The following FBLN2 variants were observed in gnomAD, a reference collection of about 807,000 sequenced individuals.
The protein encoded by FBLN2 is fibulin-2.
In FBLN2, 81 loss-of-function variants were observed where a neutral mutation model predicts 123.7. The ratio of observed to expected loss-of-function variants is 0.65; its 90% CI spans 0.55 to 0.79. The LOEUF (loss-of-function observed/expected upper bound fraction) is 0.79, where lower values mean the gene tolerates loss of function less well. FBLN2 is among the 30% of genes least tolerant of loss of function. The pLI is 0.00. For missense variants in FBLN2, 1,603 were observed against 1,681.3 expected, an observed-to-expected ratio of 0.95 and a Z score of 0.81; for synonymous variants, 699 against 701.4, an observed-to-expected ratio of 1.00 and a Z score of 0.05.
chr3:13,609,689 C>CGGGGGGGGGGGGGGG, intron 4 of FBLN2, 47 bp downstream of exon 4: 1 of 428,812 alleles, frequency 2.3e-6, no homozygotes. Flanking sequence ...TGGGGCGGGG[C>CGGGGGGGGGGGGGGG]GGGAGGCTGG....
chr3:13,609,561 C>T lies in FBLN2; in HGVS notation c.1467C>T (p.Cys489=), dbSNP rs760101715. 1.9e-6 allele frequency: 3 copies of T among 1,554,590 alleles called. No homozygotes were observed. In the South Asian group the frequency reaches 3.6e-5, roughly 18 times the overall value. The change falls in exon 4 of 18, where the codon TGC becomes TGT. Residue 489 remains cysteine (C), a synonymous_variant. Transcript: ENST00000404922. The part of the protein sequence containing the change: ...CCVSYLQEKS[C]MAGVLGAKEG... The stretch of plus-strand genomic sequence containing the variant: ...TCTCCTACTTGCAGGAGAAGAGCTG[C>T]ATGGCCGGCGTCCTGGGAGCCAAGG...
chr3:13,604,904 G>A (rs1279283341), intron 2 of FBLN2, among the ~76,000 whole-genome samples: 2 of 152,250 alleles, frequency 1.3e-5, no homozygotes, highest in African/African-American at 4.8e-5. Context: ...GCTCCGGTTG[G>A]AGTGTGCAGG....
At chr3:13,560,323 T>C (rs1703569593) in intron 1 of FBLN2, among the ~76,000 whole-genome samples, 1 of 152,158 alleles carries the variant, frequency 6.6e-6, no homozygotes, top group Non-Finnish European at 1.5e-5. Context: ...AGGGTTTTCA[T>C]GAGCTCACCC....
chr3:13,606,242 T>G (rs1705199448), intron 2 of FBLN2, among the ~76,000 whole-genome samples: 1 of 152,238 alleles, frequency 6.6e-6, no homozygotes, highest in Admixed American at 6.5e-5. Context: ...CTTGTTAATT[T>G]TCAGGAGTTT....
chr3:13,630,899 C>T (rs1480431970), intron 15 of FBLN2, 84 bp downstream of exon 15: 4 of 1,025,854 alleles, frequency 3.9e-6, no homozygotes, highest in African/African-American at 3.2e-5. Context: ...CCTGCTGGGC[C>T]ATGGACACAG....
intron 1 of FBLN2, among the ~76,000 whole-genome samples, chr3:13,550,948 A>G (rs1703305356): frequency 6.6e-6 from 1 of 152,168 alleles, no homozygotes; most frequent in Admixed American, 6.5e-5. Flanking sequence ...TTTTCACGTA[A>G]AAGTCCGGAT....
At chr3:13,620,459 A>T (rs1705811215) in intron 8 of FBLN2, among the ~76,000 whole-genome samples, 1 of 152,178 alleles carries the variant, frequency 6.6e-6, no homozygotes, top group Admixed American at 6.5e-5. Context: ...CAAATGAAGG[A>T]CACTGGTGAT....
intron 2 of FBLN2, among the ~76,000 whole-genome samples, chr3:13,587,600 A>G (rs1574963547): frequency 1.3e-5 from 2 of 152,326 alleles, no homozygotes; most frequent in South Asian, 2.1e-4. Context: ...ATTTAACTTG[A>G]AAGACTGGTT....
In FBLN2 at chr3:13,601,738, CAG is replaced by C. The variant is rs756407066; in HGVS notation, c.1307-6321_1307-6320del. Among the ~76,000 whole-genome samples, 4 of 152,308 alleles carry C rather than the reference CAG, an allele frequency of 2.6e-5. No homozygotes were observed. In the East Asian group the frequency reaches 5.8e-4, roughly 22 times the overall value. On this transcript the variant is annotated intron_variant, in intron 2 of 17. Coordinates refer to ENST00000404922, the MANE Select transcript of FBLN2 (RefSeq NM_001004019.2). Reference sequence around the variant, plus strand: ...GGAGCTGACATTGCAAAGGAGGAAACAGAGGACTGAGAAAGTAAACTCATCCA... The same window carrying C: ...GGAGCTGACATTGCAAAGGAGGAAACAGGACTGAGAAAGTAAACTCATCCA...
In FBLN2 at chr3:13,571,006, G is replaced by T; in HGVS notation, c.651G>T (p.Gln217His). Residue 217 changes from glutamine (Q) to histidine (H), a missense_variant, in exon 2 of 18, where the codon CAG (glutamine) becomes CAT (histidine). Transcript: ENST00000404922. ...CAACAGCCCTGGGGGGTGAGGTCCA[G>T]GCGGGTGCAGTCCAGGCAGGCGCAG... The part of the protein sequence containing the change: ...EAATALGGEV[Q>H]AGAVQAGAGG... 1 of 1,599,148 alleles carries T rather than the reference G, an allele frequency of 6.3e-7. No individual in the cohort carries two copies. Among genetic ancestry groups the T allele is most frequent in the Non-Finnish European group, 8.5e-7 (1 of 1,173,194 alleles).
At chr3:13,631,508 C>T in intron 16 of FBLN2, 51 bp downstream of exon 16, 1 of 1,531,980 alleles carries the variant, frequency 6.5e-7, no homozygotes, top group East Asian at 2.4e-5. Context: ...CTTGGGCAGG[C>T]TCCAAGCAGG....
chr3:13,586,458 C>T (rs1704502673), intron 2 of FBLN2, among the ~76,000 whole-genome samples: 3 of 149,634 alleles, frequency 2.0e-5, no homozygotes, highest in Non-Finnish European at 3.0e-5. Context: ...GTTGGGATTA[C>T]AGGCATGAGC....
intron 3 of FBLN2, 142 bp from the exon 4 acceptor site, chr3:13,609,371 G>A (rs910704047): frequency 2.3e-6 from 2 of 873,106 alleles, no homozygotes; most frequent in African/African-American, 3.5e-5. Flanking sequence ...CAACCCAGTG[G>A]AGGTTGTGCC....
intron 1 of FBLN2, among the ~76,000 whole-genome samples, chr3:13,557,630 C>G (rs894577186): frequency 6.6e-6 from 1 of 152,212 alleles, no homozygotes; most frequent in South Asian, 2.1e-4. Flanking sequence ...AAGGCAGCCT[C>G]CTCCCAGGAG....
chr3:13,615,751 GA>G (rs548223407), intron 5 of FBLN2, among the ~76,000 whole-genome samples: 4 of 152,224 alleles, frequency 2.6e-5, no homozygotes, highest in Non-Finnish European at 5.9e-5. Flanking sequence ...AGAAGGGCAG[GA>G]TCTTGCCCCA....
intron 2 of FBLN2, among the ~76,000 whole-genome samples, chr3:13,601,506 G>A (rs1341247623): frequency 1.3e-5 from 2 of 152,154 alleles, no homozygotes; most frequent in African/African-American, 4.8e-5. Flanking sequence ...ACTCTGCCTG[G>A]CACCTTGTGC....
intron 2 of FBLN2, among the ~76,000 whole-genome samples, chr3:13,585,197 C>T (rs1704457929): frequency 6.6e-6 from 1 of 152,144 alleles, no homozygotes; most frequent in Admixed American, 6.5e-5. Context: ...CTTTGTGCCT[C>T]ACACCCCCCA....
intron 2 of FBLN2, among the ~76,000 whole-genome samples, chr3:13,572,386 C>T (rs1357094913): frequency 2.0e-5 from 3 of 152,228 alleles, no homozygotes; most frequent in African/African-American, 7.2e-5. Context: ...CTACTATGTA[C>T]GCTGTTTCAC....
At chr3:13,628,012 C>G (rs1211380382) in intron 11 of FBLN2, 43 bp downstream of exon 11, 1 of 1,581,360 alleles carries the variant, frequency 6.3e-7, no homozygotes, top group South Asian at 1.1e-5. Flanking sequence ...GCCTAGGGCT[C>G]TACTGGAGGC....
Sources: gnomAD v4.1 joint callset for allele counts (sites outside exome capture counted in the v4.1 genomes callset) on GRCh38, gnomAD v4.1.1 for gene constraint, MANE v1.5 for transcripts, NCBI Gene and HGNC (gene_info 2026-07-23, HGNC 2026-07-21) for gene names.